Variants in AK7 observed in about 807,000 individuals in gnomAD.
AK7 encodes ATP-AMP transphosphorylase 7.
AK7 carries 78 observed loss-of-function variants against 96.6 expected under a neutral mutation model. The observed-to-expected ratio is 0.81, with a 90% CI of 0.67 to 0.97. The LOEUF is 0.97. Among genes scored for constraint, AK7 ranks in the 50% least tolerant of loss-of-function variants. The probability of loss-of-function intolerance (pLI) is 0.00; values close to 1 mark genes in which losing one functional copy is unlikely to be tolerated. For missense variants in AK7, 855 were observed against 887.9 expected, an observed-to-expected ratio of 0.96 and a Z score of 0.47; for synonymous variants, 302 against 317.2, an observed-to-expected ratio of 0.95 and a Z score of 0.51.
At chr14:96,473,652 C>T (rs532201089) in intron 14 of AK7, among the ~76,000 whole-genome samples, 29 of 152,056 alleles carry the variant, frequency 1.9e-4, no homozygotes, top group African/African-American at 5.5e-4. Context: ...AATGCACCAA[C>T]GGATAAACAT....
chr14:96,474,689 T>C (rs911417446), intron 14 of AK7, among the ~76,000 whole-genome samples: 1 of 152,160 alleles, frequency 6.6e-6, no homozygotes. Flanking sequence ...TTGTTGATTA[T>C]TAAATTCTAG....
chr14:96,404,993 A>G, intron 3 of AK7, 128 bp downstream of exon 3: 1 of 478,430 alleles, frequency 2.1e-6, no homozygotes, highest in East Asian at 3.0e-5. Context: ...TACCTAAAGT[A>G]TGAAATCCAT....
chr14:96,398,354 C>A, intron 2 of AK7, 91 bp downstream of exon 2: 1 of 1,366,232 alleles, frequency 7.3e-7, no homozygotes, highest in Non-Finnish European at 1.0e-6. Flanking sequence ...TGTTTGCCTC[C>A]CCTCCCCTCT....
chr14:96,398,076 TTCTA>T lies in AK7; in HGVS notation c.112_115del (p.Ser38ThrfsTer3), dbSNP rs1313400571. The T allele has an allele frequency of 1.2e-6, 2 of 1,612,702 alleles. No homozygotes were observed. The highest frequency in any genetic ancestry group is 1.7e-5 in the Admixed American group (1 of 59,834). ...TGGGAAATTTCTGTTTCCTTGCAGT[TTCTA>T]TCTAACTGTGTAGTTGGGGCTTCGC... is the stretch of plus-strand genomic sequence containing the variant. On this transcript the variant is annotated frameshift_variant and splice_region_variant, in exon 2 of 18. Transcript: ENST00000267584. LOFTEE classifies it high-confidence loss of function.
At chr14:96,432,586 CAA>C (rs932123929) in intron 5 of AK7, among the ~76,000 whole-genome samples, 1 of 152,104 alleles carries the variant, frequency 6.6e-6, no homozygotes, top group African/African-American at 2.4e-5. Context: ...CTGGTGGTGA[CAA>C]AGTCTCTCAG....
At chr14:96,467,738 T>C (rs557913036) in intron 12 of AK7, among the ~76,000 whole-genome samples, 2 of 152,290 alleles carry the variant, frequency 1.3e-5, no homozygotes, top group African/African-American at 4.8e-5. Flanking sequence ...AGAATGTAGA[T>C]TTTTAAACTT....
chr14:96,478,600 A>C lies in AK7; in HGVS notation c.1691A>C (p.Asn564Thr). The C allele has an allele frequency of 1.2e-6, 2 of 1,614,228 alleles. No homozygotes were observed. The highest frequency in any genetic ancestry group is 1.7e-6 in the Non-Finnish European group (2 of 1,180,046). Residue 564 changes from asparagine to threonine, a missense_variant, in exon 15 of 18, where the codon AAT (asparagine) becomes ACT (threonine). Physicochemically the swap from Asn to Thr is moderately conservative, Grantham distance 65. Transcript: ENST00000267584. ...GCTCTGAGCAACTACCGGGACATCA[A>C]TATCGACGATGAGACTGTCTTCAAC... ...LRALSNYRDI[N>T]IDDETVFNYF...
chr14:96,417,901 A>T (rs1891435923), intron 4 of AK7, among the ~76,000 whole-genome samples: 1 of 152,250 alleles, frequency 6.6e-6, no homozygotes, highest in African/African-American at 2.4e-5. Context: ...CCAGGTGGCT[A>T]AAAGAAAGAA....
At chr14:96,462,329 C>T (rs1445799506) in intron 12 of AK7, among the ~76,000 whole-genome samples, 2 of 152,238 alleles carry the variant, frequency 1.3e-5, no homozygotes, top group African/African-American at 4.8e-5. Context: ...AAAAATCCCT[C>T]CTATCCGTAT....
At chr14:96,459,926 C>A (rs1022367668) in intron 12 of AK7, among the ~76,000 whole-genome samples, 6 of 152,008 alleles carry the variant, frequency 3.9e-5, no homozygotes, top group Admixed American at 3.3e-4. Flanking sequence ...TGGGCCAATA[C>A]GTAATACAGG....
chr14:96,428,725 A>G (rs1308567932), intron 5 of AK7, among the ~76,000 whole-genome samples: 1 of 152,044 alleles, frequency 6.6e-6, no homozygotes, highest in Admixed American at 6.6e-5. Flanking sequence ...GATGATGAGC[A>G]TTTTTTCATG....
chr14:96,431,779 T>A (rs1178144017), intron 5 of AK7, among the ~76,000 whole-genome samples: 1 of 152,212 alleles, frequency 6.6e-6, no homozygotes, highest in Non-Finnish European at 1.5e-5. Context: ...TATGTCTGCT[T>A]GGTGCAGAGC....
rs1895771033 is a variant in AK7 at position 96,486,366 on chromosome 14, G to A, written c.1975-532G>A. On this transcript the variant is annotated intron_variant, in intron 16 of 17. Coordinates refer to ENST00000267584, the MANE Select transcript of AK7 (RefSeq NM_152327.5). ...GTCAACAATTTACAAGTTATTATTA[G>A]TCATGTATTTGTACTCGTACTGTTT... Among the ~76,000 whole-genome samples the A allele has an allele frequency of 3.9e-5, 6 of 152,170 alleles. No homozygotes were observed. In the South Asian group the frequency reaches 1.2e-3, roughly 32 times the overall value.
intron 6 of AK7, among the ~76,000 whole-genome samples, chr14:96,439,762 A>C (rs1892857971): frequency 6.6e-6 from 1 of 152,174 alleles, no homozygotes; most frequent in African/African-American, 2.4e-5. Context: ...TTGACCGCTA[A>C]ATTTTTTGGC....
intron 13 of AK7, among the ~76,000 whole-genome samples, chr14:96,472,154 C>G (rs1395977008): frequency 6.6e-6 from 1 of 152,040 alleles, no homozygotes; most frequent in African/African-American, 2.4e-5. Flanking sequence ...CTTGTTGTTG[C>G]ATATAGCAGA....
At chr14:96,431,702 G>A (rs1206250570) in intron 5 of AK7, among the ~76,000 whole-genome samples, 1 of 152,204 alleles carries the variant, frequency 6.6e-6, no homozygotes, top group East Asian at 1.9e-4. Context: ...TGGAATAAGT[G>A]CAATGTGGTG....
In AK7 at chr14:96,449,176, A is replaced by G. The variant is rs548731999; in HGVS notation, c.871-626A>G. The stretch of plus-strand genomic sequence containing the variant: ...CCTAAAGGCCCCAGCTCCTACTACC[A>G]TCAGCTTAAGGGTGAAGATCTCAAC... On this transcript the variant is annotated intron_variant, in intron 8 of 17. Coordinates refer to ENST00000267584, the MANE Select transcript of AK7 (RefSeq NM_152327.5). Among the ~76,000 whole-genome samples, 10 of 152,218 alleles carry G rather than the reference A, an allele frequency of 6.6e-5. No individual in the cohort carries two copies. In the East Asian group the frequency reaches 1.9e-3, roughly 29 times the overall value.
At chr14:96,469,669 C>T (rs1894776697) in intron 12 of AK7, among the ~76,000 whole-genome samples, 2 of 152,258 alleles carry the variant, frequency 1.3e-5, no homozygotes, top group African/African-American at 4.8e-5. Context: ...AGAGGAATTT[C>T]ATTATGTTAA....
intron 12 of AK7, among the ~76,000 whole-genome samples, chr14:96,467,070 G>T (rs979906726): frequency 4.0e-5 from 6 of 148,656 alleles, no homozygotes; most frequent in Admixed American, 6.7e-5. Context: ...AAAGGCAAAG[G>T]TTCTCATAAA....
Sources: allele counts gnomAD v4.1 joint callset (sites outside exome capture counted in the v4.1 genomes callset), GRCh38; gene constraint gnomAD v4.1.1; transcripts MANE v1.5; gene names NCBI Gene and HGNC (gene_info 2026-07-23, HGNC 2026-07-21).